TNPO3: variants seen among roughly 807,000 people sequenced by gnomAD.
The protein encoded by TNPO3 is transportin-3.
In TNPO3, 65 loss-of-function variants were observed where a neutral mutation model predicts 122.8. The observed-to-expected ratio is 0.53, with a 90% CI of 0.43 to 0.65. The LOEUF is 0.65. Among genes scored for constraint, TNPO3 ranks in the 30% least tolerant of loss-of-function variants. The probability of loss-of-function intolerance (pLI) is 0.00; values close to 1 mark genes in which losing one functional copy is unlikely to be tolerated. For synonymous variants in TNPO3, 372 were observed against 411.2 expected, an observed-to-expected ratio of 0.90 and a Z score of 1.15; for missense variants, 850 against 1,136.7, an observed-to-expected ratio of 0.75 and a Z score of 3.63.
chr7:128,977,482 T>C (rs1051256815), intron 16 of TNPO3, among the ~76,000 whole-genome samples: 1 of 152,232 alleles, frequency 6.6e-6, no homozygotes, highest in Non-Finnish European at 1.5e-5. Context: ...ATCAAATCTA[T>C]AATTTAGAGA....
intron 1 of TNPO3, 28 bp downstream of exon 1, chr7:129,054,623 C>T (rs1809261341): frequency 6.2e-7 from 1 of 1,612,132 alleles, no homozygotes; most frequent in Non-Finnish European, 8.5e-7. Context: ...GGCCGTGCGG[C>T]ACAGAACTGC....
chr7:129,054,788 C>G lies in TNPO3; in HGVS notation c.-18G>C. On this transcript the variant is annotated 5_prime_UTR_variant, in exon 1 of 23. Coordinates refer to ENST00000265388, the MANE Select transcript of TNPO3 (RefSeq NM_012470.4). ...CCTTCCATGGTGGTGGCGGTAGTGGCGGTAGCGACGGCTCTGATTCTTCTC... is the reference window on the plus strand; with the variant it reads ...CCTTCCATGGTGGTGGCGGTAGTGGGGGTAGCGACGGCTCTGATTCTTCTC... The G allele has an allele frequency of 6.2e-7, 1 of 1,613,856 alleles. No individual in the cohort carries two copies. The highest frequency in any genetic ancestry group is 8.5e-7 in the Non-Finnish European group (1 of 1,179,936).
In TNPO3 at chr7:128,972,601, C is replaced by G; in HGVS notation, c.2274-19G>C. The G allele has an allele frequency of 6.2e-7, 1 of 1,609,728 alleles. No homozygotes were observed. The highest frequency in any genetic ancestry group is 8.5e-7 in the Non-Finnish European group (1 of 1,177,676). On this transcript the variant is annotated intron_variant, in intron 18 of 22. Transcript: ENST00000265388. ...AATAAACCTGGTGTGGAAAGTGAGACTAGGTATAAATGACAAGATTAGGCT... is the reference window on the plus strand; with the variant it reads ...AATAAACCTGGTGTGGAAAGTGAGAGTAGGTATAAATGACAAGATTAGGCT...
intron 8 of TNPO3, 105 bp from the exon 9 acceptor site, chr7:128,994,019 A>T: frequency 9.5e-7 from 1 of 1,054,496 alleles, no homozygotes; most frequent in African/African-American, 1.6e-5. Context: ...TCAAGTTTCA[A>T]TGAACAAAAG....
At position 129,035,749 on chromosome 7, in the gene TNPO3, A is replaced by G. The variant is rs566539409; in HGVS notation, c.121-17592T>C. 2.0e-5 allele frequency among the ~76,000 whole-genome samples: 3 copies of G among 152,306 alleles called. No individual in the cohort carries two copies. In the East Asian group the frequency reaches 5.8e-4, roughly 29 times the overall value. On this transcript the variant is annotated intron_variant, in intron 1 of 22. Coordinates refer to ENST00000265388, the MANE Select transcript of TNPO3 (RefSeq NM_012470.4). ...TAACCAAAGTAATAAAACATCACCAATAGATTTTATGTGACTCCTGATGTG... is the reference window on the plus strand; with the variant it reads ...TAACCAAAGTAATAAAACATCACCAGTAGATTTTATGTGACTCCTGATGTG...
At chr7:128,976,435 GGA>G (rs1329932921) in intron 16 of TNPO3, among the ~76,000 whole-genome samples, 1 of 152,036 alleles carries the variant, frequency 6.6e-6, no homozygotes, top group Non-Finnish European at 1.5e-5. Context: ...GAAGATATTT[GGA>G]TTTCAACACA....
chr7:128,993,965 A>G (rs1419129732), intron 8 of TNPO3, 51 bp from the exon 9 acceptor site: 2 of 1,487,776 alleles, frequency 1.3e-6, no homozygotes, highest in Admixed American at 1.8e-5. Context: ...GCGGCTTTCA[A>G]TGACCTCTAT....
At position 128,967,343 on chromosome 7, in the gene TNPO3, G is replaced by C; in HGVS notation, c.2648C>G (p.Thr883Arg). Reference sequence around the variant, plus strand: ...TGTCACTGTGACGGCTCCCACGGTTGTTTCCTTTGGCAAACCTTTTAAGGA... The same window carrying C: ...TGTCACTGTGACGGCTCCCACGGTTCTTTCCTTTGGCAAACCTTTTAAGGA... ...ENSLKGLPKE[T>R]TVGAVTVTHK... The change falls in exon 21 of 23, where the codon ACA becomes AGA. Residue 883 changes from threonine to arginine, a missense_variant. By Grantham distance (71) the Thr-to-Arg change is moderately conservative (BLOSUM62 -1). Coordinates refer to ENST00000265388, the MANE Select transcript of TNPO3 (RefSeq NM_012470.4). 6.2e-7 allele frequency: 1 copy of C among 1,614,042 alleles called. No individual in the cohort carries two copies. Among genetic ancestry groups the C allele is most frequent in the South Asian group, 1.1e-5 (1 of 91,072 alleles).
chr7:129,005,097 C>T lies in TNPO3; in HGVS notation c.615G>A (p.Leu205=). The change falls in exon 5 of 23, where the codon TTG becomes TTA. Residue 205 remains leucine, a synonymous_variant. Coordinates refer to ENST00000265388, the MANE Select transcript of TNPO3 (RefSeq NM_012470.4). ...AAACTCCCAAGTTAAACCAACTTCC[C>T]AAACAGCGAAAAACCTTCATAAGCA... ...EKMLMKVFRC[L]GSWFNLGVLD... 6.2e-7 allele frequency: 1 copy of T among 1,613,936 alleles called. No individual in the cohort carries two copies.
intron 1 of TNPO3, among the ~76,000 whole-genome samples, chr7:129,046,418 G>C (rs935551897): frequency 1.3e-5 from 2 of 152,016 alleles, no homozygotes; most frequent in African/African-American, 4.8e-5. Context: ...AGTTGTATAG[G>C]AATATTTTCT....
At chr7:128,966,378 A>T (rs1797929950) in intron 21 of TNPO3, among the ~76,000 whole-genome samples, 2 of 152,206 alleles carry the variant, frequency 1.3e-5, no homozygotes, top group Admixed American at 1.3e-4. Context: ...ATTATAAGTC[A>T]TTGTCTAAAA....
rs776103730 is a variant in TNPO3, at chr7:129,033,906, C to CAAA, written c.121-15752_121-15750dup. On this transcript the variant is annotated intron_variant, in intron 1 of 22. Transcript: ENST00000265388. ...CCAGCCTGGGCAACAGAGCTAAACTCAAAAAAAAAAAAAAAAAAAGATCTC... is the reference window on the plus strand; with the variant it reads ...CCAGCCTGGGCAACAGAGCTAAACTCAAAAAAAAAAAAAAAAAAAAAAGATCTC... Among the ~76,000 whole-genome samples, 118 of 72,452 alleles carry CAAA rather than the reference C, an allele frequency of 1.6e-3. 1 individual carries two copies. Among genetic ancestry groups the CAAA allele is most frequent in the African/African-American group, 5.8e-3 (109 of 18,688 alleles). The allele number at this position is 72,452 out of a possible 152,430, so 47.5% of individuals were successfully genotyped here.
chr7:129,043,649 C>A (rs1245065779), intron 1 of TNPO3, among the ~76,000 whole-genome samples: 1 of 152,128 alleles, frequency 6.6e-6, no homozygotes, highest in Non-Finnish European at 1.5e-5. Flanking sequence ...GAATCCCTAT[C>A]CAAAATAATA....
Sources: gnomAD v4.1 joint callset for allele counts (sites outside exome capture counted in the v4.1 genomes callset) on GRCh38, gnomAD v4.1.1 for gene constraint, MANE v1.5 for transcripts, NCBI Gene and HGNC (gene_info 2026-07-23, HGNC 2026-07-21) for gene names.